Variants in DLC1 observed in about 807,000 individuals in gnomAD.
DLC1 encodes the protein DLC1 Rho GTPase activating protein.
A neutral mutation model predicts 140.3 loss-of-function variants in DLC1; 54 were observed. The ratio of observed to expected loss-of-function variants is 0.38; its 90% CI spans 0.31 to 0.48. DLC1 has a LOEUF of 0.48. Ranked by LOEUF, DLC1 falls within the 20% of genes least tolerant of loss-of-function variation. DLC1 has a pLI of 0.96. For missense variants in DLC1, 2,536 were observed against 1,907.0 expected (o/e 1.33, Z -6.14); for synonymous variants, 986 against 728.1 (o/e 1.35, Z -5.70).
chr8:13,601,015 T>C (rs1395836259), intron 1 of DLC1, among the ~76,000 whole-genome samples: 1 of 151,878 alleles, frequency 6.6e-6, no homozygotes, highest in Non-Finnish European at 1.5e-5. Context: ...TTCATTTATT[T>C]TGAGTCTCAT....
intron 5 of DLC1, among the ~76,000 whole-genome samples, chr8:13,163,318 A>G (rs1180406983): frequency 6.6e-6 from 1 of 152,202 alleles, no homozygotes; most frequent in East Asian, 1.9e-4. Context: ...TCAGCTGATC[A>G]AAGTTGGGAG....
At chr8:13,414,549 T>A (rs1054708707) in intron 2 of DLC1, among the ~76,000 whole-genome samples, 2 of 152,152 alleles carry the variant, frequency 1.3e-5, no homozygotes, top group African/African-American at 4.8e-5. Flanking sequence ...TTCTTTTAGC[T>A]CAAAGATAGA....
chr8:13,284,243 A>G (rs1345909875), intron 5 of DLC1, among the ~76,000 whole-genome samples: 2 of 152,064 alleles, frequency 1.3e-5, no homozygotes, highest in Admixed American at 1.3e-4. Flanking sequence ...AGTTAAGATA[A>G]CGGCCTGGCG....
intron 15 of DLC1, among the ~76,000 whole-genome samples, chr8:13,089,812 A>C (rs1202481425): frequency 6.6e-6 from 1 of 152,194 alleles, no homozygotes; most frequent in East Asian, 1.9e-4. Flanking sequence ...GAGGTTTACC[A>C]GTCCTAACTG....
chr8:13,087,794 T>G (rs1375526600), intron 16 of DLC1, among the ~76,000 whole-genome samples: 2 of 152,216 alleles, frequency 1.3e-5, no homozygotes, highest in African/African-American at 4.8e-5. Flanking sequence ...CAGTAATATC[T>G]CCAGAGAATT....
chr8:13,314,359 C>G (rs1484568564), intron 4 of DLC1, among the ~76,000 whole-genome samples: 1 of 148,738 alleles, frequency 6.7e-6, no homozygotes, highest in African/African-American at 2.5e-5. Context: ...TAATATTGTT[C>G]AATAGACTTG....
At chr8:13,320,810 T>A (rs1383447497) in intron 4 of DLC1, among the ~76,000 whole-genome samples, 1 of 152,016 alleles carries the variant, frequency 6.6e-6, no homozygotes, top group East Asian at 1.9e-4. Flanking sequence ...AGGCCAAGAG[T>A]TCTAGACCAG....
intron 5 of DLC1, chr8:13,276,283 T>C (rs1050886812): frequency 2.1e-5 from 32 of 1,535,444 alleles, no homozygotes; most frequent in Non-Finnish European, 2.7e-5. Flanking sequence ...CTGTCTCTAG[T>C]GTTTTTCCAA....
intron 2 of DLC1, among the ~76,000 whole-genome samples, chr8:13,438,022 C>CTT (rs11355863): frequency 2.8e-5 from 4 of 142,356 alleles, no homozygotes; most frequent in South Asian, 2.2e-4. Context: ...TGATCTACCT[C>CTT]TTTTTTTTTT....
At chr8:13,327,195 G>A (rs1833397948) in intron 4 of DLC1, among the ~76,000 whole-genome samples, 1 of 131,776 alleles carries the variant, frequency 7.6e-6, no homozygotes, top group Admixed American at 9.4e-5. Context: ...GGATGGTCTC[G>A]ATCTCCTGAC....
chr8:13,603,609 G>A (rs959567152), intron 1 of DLC1, among the ~76,000 whole-genome samples: 3 of 151,990 alleles, frequency 2.0e-5, no homozygotes, highest in African/African-American at 7.2e-5. Context: ...CTACATCATA[G>A]TGGCAATTTA....
intron 1 of DLC1, among the ~76,000 whole-genome samples, chr8:13,597,026 C>G (rs1441706535): frequency 1.3e-5 from 2 of 151,874 alleles, no homozygotes; most frequent in Non-Finnish European, 2.9e-5. Context: ...CTGACGTCAT[C>G]CTGTTCCTCA....
intron 4 of DLC1, among the ~76,000 whole-genome samples, chr8:13,325,553 C>G (rs537754437): frequency 6.6e-6 from 1 of 152,224 alleles, no homozygotes; most frequent in East Asian, 1.9e-4. Flanking sequence ...TTTCTGAAGC[C>G]TGATCCTAAG....
At chr8:13,151,042 AT>A (rs1213433177) in intron 5 of DLC1, among the ~76,000 whole-genome samples, 1 of 152,220 alleles carries the variant, frequency 6.6e-6, no homozygotes, top group Non-Finnish European at 1.5e-5. Context: ...ATAACTAGGA[AT>A]TACAGGAATT....
intron 5 of DLC1, among the ~76,000 whole-genome samples, chr8:13,157,756 C>T (rs1824361445): frequency 6.6e-6 from 1 of 152,200 alleles, no homozygotes; most frequent in Admixed American, 6.5e-5. Flanking sequence ...GATTCTTTCA[C>T]ACTCTGCATG....
intron 5 of DLC1, among the ~76,000 whole-genome samples, chr8:13,220,049 A>G (rs116427988): frequency 1.3e-3 from 195 of 152,270 alleles, no homozygotes; most frequent in African/African-American, 4.3e-3. Flanking sequence ...TGACTGCTCA[A>G]TGGGTACAGG....
chr8:13,502,286 A>T (rs1341328783), intron 1 of DLC1, among the ~76,000 whole-genome samples: 1 of 152,186 alleles, frequency 6.6e-6, no homozygotes, highest in East Asian at 1.9e-4. Context: ...ATAAAGCATT[A>T]ACTCTTCTTG....
chr8:13,604,026 AT>A (rs567850400), intron 1 of DLC1, among the ~76,000 whole-genome samples: 4 of 152,186 alleles, frequency 2.6e-5, no homozygotes, highest in South Asian at 2.1e-4. Flanking sequence ...ATATAAAAAT[AT>A]TTTTTTCTAA....
chr8:13,570,133 A>G (rs546723593), intron 1 of DLC1, among the ~76,000 whole-genome samples: 4 of 152,288 alleles, frequency 2.6e-5, no homozygotes, highest in Non-Finnish European at 4.4e-5. Context: ...ATTTCAAACT[A>G]ATTAAGGTCA....
Sources: gnomAD v4.1 joint callset for allele counts (sites outside exome capture counted in the v4.1 genomes callset) on GRCh38, gnomAD v4.1.1 for gene constraint, MANE v1.5 for transcripts, NCBI Gene and HGNC (gene_info 2026-07-23, HGNC 2026-07-21) for gene names.